FIGN: variants seen among roughly 807,000 people sequenced by gnomAD.
The protein encoded by FIGN is fidgetin.
A neutral mutation model predicts 51.3 loss-of-function variants in FIGN; 11 were observed. The ratio of observed to expected loss-of-function variants is 0.21; its 90% CI spans 0.13 to 0.35. FIGN has a LOEUF of 0.35. Ranked by LOEUF, FIGN falls within the 10% of genes least tolerant of loss-of-function variation. FIGN has a pLI of 1.00. For missense variants in FIGN, 857 were observed against 943.6 expected, an observed-to-expected ratio of 0.91 and a Z score of 1.20; for synonymous variants, 407 against 363.2, an observed-to-expected ratio of 1.12 and a Z score of -1.37.
chr2:163,727,096 T>A (rs1302715311), intron 2 of FIGN, among the ~76,000 whole-genome samples: 1 of 152,072 alleles, frequency 6.6e-6, no homozygotes, highest in Non-Finnish European at 1.5e-5. Flanking sequence ...AATCTTCAAT[T>A]TGAAATTGAA....
chr2:163,636,193 T>C (rs1469083941), intron 2 of FIGN, among the ~76,000 whole-genome samples: 4 of 152,210 alleles, frequency 2.6e-5, no homozygotes, highest in Non-Finnish European at 4.4e-5. Flanking sequence ...AGATTTTCTC[T>C]TTTGTGTAAG....
intron 2 of FIGN, among the ~76,000 whole-genome samples, chr2:163,715,077 C>T (rs1175095442): frequency 6.6e-6 from 1 of 152,154 alleles, no homozygotes. Flanking sequence ...CAGTAACTTT[C>T]TAATAAAGAT....
At chr2:163,646,682 T>C (rs1270898100) in intron 2 of FIGN, among the ~76,000 whole-genome samples, 1 of 152,198 alleles carries the variant, frequency 6.6e-6, no homozygotes, top group Admixed American at 6.5e-5. Flanking sequence ...TTATAAACAT[T>C]TGGTCAGTTT....
intron 2 of FIGN, among the ~76,000 whole-genome samples, chr2:163,612,749 C>CATAT (rs10592741): frequency 1.8e-3 from 250 of 139,254 alleles, no homozygotes; most frequent in Non-Finnish European, 2.8e-3. Flanking sequence ...TATACATCTT[C>CATAT]ATATATATAT....
In FIGN at chr2:163,610,776, G is replaced by A. The variant is rs370745530; in HGVS notation, c.1056C>T (p.Pro352=). Reference sequence around the variant, plus strand: ...GATTTGTGTTTGAAATGCTGTTGTCGGGCATTCTGTACATAGGACTCTGTG... The same window carrying A: ...GATTTGTGTTTGAAATGCTGTTGTCAGGCATTCTGTACATAGGACTCTGTG... ...RSTQSPMYRM[P]DNSISNTNRG... is the part of the protein sequence containing the mutation. Residue 352 remains proline, a synonymous_variant, in exon 3 of 3, where the codon CCC becomes CCT. Coordinates refer to ENST00000333129, the MANE Select transcript of FIGN (RefSeq NM_018086.4). 5.6e-6 allele frequency: 9 copies of A among 1,613,952 alleles called. No individual in the cohort carries two copies. The highest frequency in any genetic ancestry group is 1.3e-5 in the African/African-American group (1 of 74,888).
intron 2 of FIGN, among the ~76,000 whole-genome samples, chr2:163,632,212 G>A (rs554637865): frequency 6.6e-6 from 1 of 152,220 alleles, no homozygotes; most frequent in Admixed American, 6.5e-5. Flanking sequence ...TATTTTAAAA[G>A]TTATACACTT....
intron 2 of FIGN, among the ~76,000 whole-genome samples, chr2:163,648,995 C>T (rs576086886): frequency 1.3e-5 from 2 of 152,174 alleles, no homozygotes; most frequent in South Asian, 4.1e-4. Context: ...TATATAAAAA[C>T]ATACTGTATT....
At chr2:163,693,793 TATC>T (rs1559023209) in intron 2 of FIGN, among the ~76,000 whole-genome samples, 2 of 152,218 alleles carry the variant, frequency 1.3e-5, no homozygotes. Context: ...ATATATTAAA[TATC>T]ATATTGGAAT....
chr2:163,729,420 A>G (rs1262018377), intron 2 of FIGN, among the ~76,000 whole-genome samples: 1 of 152,090 alleles, frequency 6.6e-6, no homozygotes. Context: ...AAAAGAAAAC[A>G]TTTTATAGGT....
chr2:163,621,038 C>T (rs926336293), intron 2 of FIGN, among the ~76,000 whole-genome samples: 1 of 152,090 alleles, frequency 6.6e-6, no homozygotes. Flanking sequence ...TTGCATTCAT[C>T]TACTTCTCTG....
At chr2:163,711,623 T>C (rs1018934540) in intron 2 of FIGN, among the ~76,000 whole-genome samples, 1 of 146,124 alleles carries the variant, frequency 6.8e-6, no homozygotes, top group Non-Finnish European at 1.5e-5. Context: ...AGAATCACTT[T>C]ATAATTTCTT....
At chr2:163,685,374 C>G (rs1684131168) in intron 2 of FIGN, among the ~76,000 whole-genome samples, 1 of 152,142 alleles carries the variant, frequency 6.6e-6, no homozygotes, top group Admixed American at 6.5e-5. Context: ...AAACAACTTT[C>G]CAAGTTACTT....
intron 2 of FIGN, among the ~76,000 whole-genome samples, chr2:163,723,193 A>AAAT (rs1285477716): frequency 6.6e-6 from 1 of 151,448 alleles, no homozygotes; most frequent in Admixed American, 6.6e-5. Context: ...TCCGTCTCAA[A>AAAT]AATAATAATA....
Position 163,606,901 on chromosome 2 carries a change from CAG to C in FIGN, c.*2649_*2650del. On this transcript the variant is annotated 3_prime_UTR_variant, in exon 3 of 3. Coordinates refer to ENST00000333129, the MANE Select transcript of FIGN (RefSeq NM_018086.4). ...ATCTCAAATTAATTTTTAAGTCACTCAGAGTTCTAATTTTTAAGTCACTTAAA... is the reference window on the plus strand; with the variant it reads ...ATCTCAAATTAATTTTTAAGTCACTCAGTTCTAATTTTTAAGTCACTTAAA... 6.6e-6 allele frequency: 1 copy of C among 152,280 alleles called. No individual in the cohort carries two copies. The allele number at this position is 152,280 out of a possible 1,614,324, so 9.4% of individuals were successfully genotyped here.
intron 2 of FIGN, among the ~76,000 whole-genome samples, chr2:163,707,057 T>C (rs532203679): frequency 6.6e-6 from 1 of 152,180 alleles, no homozygotes; most frequent in African/African-American, 2.4e-5. Flanking sequence ...ATTCTTAATT[T>C]CTATTGAGGA....
At chr2:163,662,968 A>G (rs1263775697) in intron 2 of FIGN, among the ~76,000 whole-genome samples, 1 of 152,246 alleles carries the variant, frequency 6.6e-6, no homozygotes, top group African/African-American at 2.4e-5. Context: ...CTCCCCAGCC[A>G]TGTGGAACTG....
chr2:163,671,642 A>G (rs1336412839), intron 2 of FIGN, among the ~76,000 whole-genome samples: 3 of 152,222 alleles, frequency 2.0e-5, no homozygotes, highest in African/African-American at 4.8e-5. Flanking sequence ...TCCAGAAAGT[A>G]ACCAAAAATC....
At chr2:163,718,888 A>G (rs552272312) in intron 2 of FIGN, among the ~76,000 whole-genome samples, 1 of 152,304 alleles carries the variant, frequency 6.6e-6, no homozygotes, top group African/African-American at 2.4e-5. Flanking sequence ...ATGGATAACT[A>G]TAAAATCAGG....
chr2:163,632,643 A>G (rs1683163127), intron 2 of FIGN, among the ~76,000 whole-genome samples: 1 of 152,188 alleles, frequency 6.6e-6, no homozygotes, highest in South Asian at 2.1e-4. Flanking sequence ...AAGTTTGTTC[A>G]GAGGATTAAA....
Sources: allele counts gnomAD v4.1 joint callset (sites outside exome capture counted in the v4.1 genomes callset), GRCh38; gene constraint gnomAD v4.1.1; transcripts MANE v1.5; gene names NCBI Gene and HGNC (gene_info 2026-07-23, HGNC 2026-07-21).